The following PALS2 variants were observed in gnomAD, a reference collection of about 807,000 sequenced individuals.
PALS2 encodes the protein protein PALS2.
PALS2 carries 27 observed loss-of-function variants against 61.6 expected under a neutral mutation model. The ratio of observed to expected loss-of-function variants is 0.44; its 90% confidence interval spans 0.32 to 0.60. The LOEUF (loss-of-function observed/expected upper bound fraction) is 0.60. Among genes scored for constraint, PALS2 ranks in the 20% least tolerant of loss-of-function variants. The pLI, the probability that PALS2 is intolerant of heterozygous loss-of-function variation, is 0.05. For synonymous variants in PALS2, 236 were observed against 218.6 expected (o/e 1.08, Z -0.70); for missense variants, 554 against 639.4 (o/e 0.87, Z 1.44).
At chr7:24,634,994 T>G (rs958688324) in intron 2 of PALS2, among the ~76,000 whole-genome samples, 1 of 152,212 alleles carries the variant, frequency 6.6e-6, no homozygotes, top group Non-Finnish European at 1.5e-5. Flanking sequence ...CTTTTTGAAA[T>G]GAGGAAATGT....
Position 24,689,817 on chromosome 7 carries a change from T to C in PALS2, c.*2203T>C, listed in dbSNP as rs1439401680. The C allele has an allele frequency of 6.6e-6, 1 of 152,192 alleles. No individual in the cohort carries two copies. The highest frequency in any genetic ancestry group is 1.9e-4 in the East Asian group (1 of 5,204). The allele number at this position is 152,192 out of a possible 1,614,324, so 9.4% of individuals were successfully genotyped here. A position where few individuals can be genotyped will look rare whatever the true frequency, so the allele number is the denominator to read the frequency against. ...ATGTTTCAACACACACTTGAAATTT[T>C]AAGAGAAATTTCAGTTCTTCACTCA... On this transcript the variant is annotated 3_prime_UTR_variant, in exon 12 of 12. Coordinates refer to ENST00000222644, the MANE Select transcript of PALS2 (RefSeq NM_001303037.2).
In PALS2 at chr7:24,596,558, C is replaced by A. The variant is rs77930723; in HGVS notation, c.-3+22965C>A. Among the ~76,000 whole-genome samples, 5,911 of 152,070 alleles carry A rather than the reference C, an allele frequency of 0.039. 156 individuals carry two copies. The highest frequency in any genetic ancestry group is 0.058 in the Non-Finnish European group (3,931 of 67,958). On this transcript the variant is annotated intron_variant, in intron 1 of 11. Coordinates refer to ENST00000222644, the MANE Select transcript of PALS2 (RefSeq NM_001303037.2). This position sits in a 1 kb window ranked among gnomAD's most constrained non-coding sequence, Gnocchi z 4.5. ...AAAACATTTTCAAACAATTTTGATT[C>A]ATTATACTACATATTTTCTTGTAAA...
intron 1 of PALS2, among the ~76,000 whole-genome samples, chr7:24,576,905 C>T (rs1232634053): frequency 3.3e-5 from 5 of 152,112 alleles, no homozygotes; most frequent in African/African-American, 9.7e-5. Flanking sequence ...AGATTAAAGC[C>T]CACAACTTTG....
At chr7:24,606,614 T>C (rs1052521969) in intron 1 of PALS2, among the ~76,000 whole-genome samples, 1 of 152,134 alleles carries the variant, frequency 6.6e-6, no homozygotes, top group Non-Finnish European at 1.5e-5. Flanking sequence ...TTTTTTTGTT[T>C]CATTTTGTTT....
intron 5 of PALS2, among the ~76,000 whole-genome samples, chr7:24,652,348 C>T (rs1026100398): frequency 2.6e-5 from 4 of 152,102 alleles, no homozygotes; most frequent in African/African-American, 9.7e-5. Context: ...ATAGATTTTG[C>T]ATCTGGTGAA....
chr7:24,651,404 T>C lies in PALS2; in HGVS notation c.651+692T>C, dbSNP rs186552452. ...GTTCAAATACCAGTGCTGCCAGTTA[T>C]CAGCTTACCTTCTCTGTGCTTCATT... On this transcript the variant is annotated intron_variant, in intron 5 of 11. Transcript: ENST00000222644. 2.6e-5 allele frequency among the ~76,000 whole-genome samples: 4 copies of C among 152,324 alleles called. No individual in the cohort carries two copies. The East Asian group carries it at 7.7e-4, about 29-fold the overall frequency.
At chr7:24,662,832 C>A (rs1445829997) in intron 5 of PALS2, among the ~76,000 whole-genome samples, 3 of 147,920 alleles carry the variant, frequency 2.0e-5, no homozygotes, top group Non-Finnish European at 4.5e-5. Context: ...CTGAACCTTC[C>A]ATCAAATACC....
chr7:24,642,333 A>G (rs1170974611), intron 3 of PALS2, among the ~76,000 whole-genome samples: 1 of 152,204 alleles, frequency 6.6e-6, no homozygotes, highest in African/African-American at 2.4e-5. Flanking sequence ...AGGTACAGAA[A>G]TAAGTATGAT....
intron 2 of PALS2, among the ~76,000 whole-genome samples, chr7:24,637,629 G>A (rs1785303836): frequency 6.6e-6 from 1 of 152,010 alleles, no homozygotes; most frequent in South Asian, 2.1e-4. Context: ...AGAAAGACCA[G>A]GTTTCTACAC....
Position 24,685,531 on chromosome 7 carries a change from A to T in PALS2, c.1447-1907A>T, listed in dbSNP as rs114524928. ...TTTATACATAAATCATACCTTATGT[A>T]CAAAATGTGCCTGCATTTTTCCAAT... On this transcript the variant is annotated intron_variant, in intron 11 of 11. Coordinates refer to ENST00000222644, the MANE Select transcript of PALS2 (RefSeq NM_001303037.2). Among the ~76,000 whole-genome samples, 1,276 of 152,276 alleles carry T rather than the reference A, an allele frequency of 8.4e-3. 15 individuals carry two copies. The highest frequency in any genetic ancestry group is 0.029 in the African/African-American group (1,186 of 41,530).
chr7:24,659,491 G>T (rs145495117), intron 5 of PALS2, among the ~76,000 whole-genome samples: 1 of 152,102 alleles, frequency 6.6e-6, no homozygotes, highest in Admixed American at 6.5e-5. Flanking sequence ...CTGCAACTTT[G>T]CCAACATCTG....
intron 3 of PALS2, among the ~76,000 whole-genome samples, chr7:24,647,139 T>G (rs1785877661): frequency 6.6e-6 from 1 of 151,326 alleles, no homozygotes; most frequent in African/African-American, 2.4e-5. Flanking sequence ...TTGTTTTAAT[T>G]TAATTTAATT....
At chr7:24,630,454 G>A (rs1368098488) in intron 2 of PALS2, among the ~76,000 whole-genome samples, 7 of 151,998 alleles carry the variant, frequency 4.6e-5, no homozygotes, top group African/African-American at 1.7e-4. Flanking sequence ...TGCACGTTCT[G>A]TACATTATCC....
chr7:24,624,030 G>A, intron 2 of PALS2: 1 of 1,295,600 alleles, frequency 7.7e-7, no homozygotes, highest in South Asian at 1.3e-5. Flanking sequence ...AAGGTTTAGA[G>A]AAATCATACC....
At chr7:24,582,162 T>C (rs1782870197) in intron 1 of PALS2, among the ~76,000 whole-genome samples, 1 of 152,226 alleles carries the variant, frequency 6.6e-6, no homozygotes, top group African/African-American at 2.4e-5. Flanking sequence ...GTTTATCATT[T>C]TGTTTTGTTG....
intron 9 of PALS2, among the ~76,000 whole-genome samples, chr7:24,676,148 G>A (rs1470290903): frequency 2.6e-5 from 4 of 151,838 alleles, no homozygotes; most frequent in African/African-American, 4.8e-5. Flanking sequence ...GCCAGTGATG[G>A]TGAGCATTTT....
At position 24,665,641 on chromosome 7, in the gene PALS2, G is replaced by A. The variant is rs1212940218; in HGVS notation, c.837G>A (p.Leu279=). Residue 279 remains leucine (L), a synonymous_variant, in exon 7 of 12, where the codon CTG becomes CTA. Transcript: ENST00000222644. ...GSAGLIPSQF[L]EEKRKAFVRR... is the part of the protein sequence containing the mutation. ...CTGGTCTCATTCCAAGCCAGTTCCTGGAAGAGAAGAGAAAGGCATTTGTTA... is the reference window on the plus strand; with the variant it reads ...CTGGTCTCATTCCAAGCCAGTTCCTAGAAGAGAAGAGAAAGGCATTTGTTA... The A allele has an allele frequency of 1.2e-6, 2 of 1,613,770 alleles. No individual in the cohort carries two copies. Among genetic ancestry groups the A allele is most frequent in the South Asian group, 1.1e-5 (1 of 91,074 alleles).
At chr7:24,683,553 G>A (rs1056083072) in intron 11 of PALS2, among the ~76,000 whole-genome samples, 19 of 150,610 alleles carry the variant, frequency 1.3e-4, no homozygotes, top group African/African-American at 4.7e-4. Flanking sequence ...TGATAGTCTT[G>A]GATAGCTTCC....
chr7:24,581,394 A>G (rs533998704), intron 1 of PALS2, among the ~76,000 whole-genome samples: 1 of 152,266 alleles, frequency 6.6e-6, no homozygotes, highest in East Asian at 1.9e-4. Flanking sequence ...CACCTGTGAA[A>G]CTTTCCAAAT....
Sources: gnomAD v4.1 joint callset for allele counts (sites outside exome capture counted in the v4.1 genomes callset) on GRCh38, gnomAD v4.1.1 for gene constraint, Gnocchi (gnomAD v3.1) non-coding constraint, MANE v1.5 for transcripts, NCBI Gene and HGNC (gene_info 2026-07-23, HGNC 2026-07-21) for gene names.